The following SLC44A1 variants were observed in gnomAD, a reference collection of about 807,000 sequenced individuals.
The protein encoded by SLC44A1 is solute carrier family 44 member 1, also known as choline transporter-like protein 1.
SLC44A1 carries 26 observed loss-of-function variants against 79.3 expected under a neutral mutation model. The ratio of observed to expected loss-of-function variants is 0.33; its 90% CI spans 0.24 to 0.46. The LOEUF is 0.46. Ranked by LOEUF, SLC44A1 falls within the 20% of genes least tolerant of loss-of-function variation. SLC44A1 has a pLI of 1.00. For synonymous variants in SLC44A1, 263 were observed against 286.2 expected (o/e 0.92, Z 0.82); for missense variants, 688 against 798.1 (o/e 0.86, Z 1.66).
In SLC44A1 at chr9:105,309,728, T is replaced by A. The variant is rs373883101; in HGVS notation, c.131T>A (p.Phe44Tyr). Residue 44 changes from phenylalanine (F) to tyrosine (Y), a missense_variant, in exon 3 of 16, where the codon TTT (phenylalanine) becomes TAT (tyrosine). Transcript: ENST00000374720. ...TTTTTTCTGTTTCTTTCCTAGGGAT[T>A]TATTTGTGGCTTTTCAATAGCAACA... ...LFILFCIGMG[F>Y]ICGFSIATGA... 2.1e-5 allele frequency: 34 copies of A among 1,613,564 alleles called. No homozygotes were observed. Among genetic ancestry groups the A allele is most frequent in the Non-Finnish European group, 2.8e-5 (33 of 1,179,664 alleles).
Position 105,391,112 on chromosome 9 carries a change from A to G in SLC44A1, c.*2056A>G. ...GAAGATGGGTATCAAAACAGAAGAC[A>G]TTCCAGGAGCTAGCAATTTTAAGAG... On this transcript the variant is annotated 3_prime_UTR_variant, in exon 16 of 16. Coordinates refer to ENST00000374720, the MANE Select transcript of SLC44A1 (RefSeq NM_080546.5). The G allele has an allele frequency of 3.0e-6, 3 of 985,798 alleles. No homozygotes were observed. The highest frequency in any genetic ancestry group is 3.6e-6 in the Non-Finnish European group (3 of 829,916). The allele number at this position is 985,798 out of a possible 1,614,324, so 61.1% of individuals were successfully genotyped here.
In SLC44A1 at chr9:105,389,895, G is replaced by A. The variant is rs1473120174; in HGVS notation, c.*839G>A. On this transcript the variant is annotated 3_prime_UTR_variant, in exon 16 of 16. Transcript: ENST00000374720. The stretch of plus-strand genomic sequence containing the variant: ...TTTAGCCTTTAAGTTTCTGTGTATT[G>A]ATTTGCAGATTAAGTAATGCTGGGA... The A allele has an allele frequency of 6.6e-7, 1 of 1,517,806 alleles. No individual in the cohort carries two copies. Among genetic ancestry groups the A allele is most frequent in the Non-Finnish European group, 8.8e-7 (1 of 1,133,492 alleles). The allele number at this position is 1,517,806 out of a possible 1,614,324, so 94.0% of individuals were successfully genotyped here.
At chr9:105,252,124 A>G (rs1211593151) in intron 1 of SLC44A1, among the ~76,000 whole-genome samples, 1 of 152,210 alleles carries the variant, frequency 6.6e-6, no homozygotes, top group African/African-American at 2.4e-5. Flanking sequence ...CAGTCATATT[A>G]ATTCATTTAC....
chr9:105,278,253 A>G (rs1166964323), intron 1 of SLC44A1, among the ~76,000 whole-genome samples: 1 of 144,180 alleles, frequency 6.9e-6, no homozygotes, highest in African/African-American at 2.6e-5. Flanking sequence ...CTATTTATTT[A>G]TTTATTTATT....
In SLC44A1 at chr9:105,389,769, A is replaced by G. The variant is rs943828728; in HGVS notation, c.*713A>G. 3 of 1,311,936 alleles carry G rather than the reference A, an allele frequency of 2.3e-6. No homozygotes were observed. In the African/African-American group the frequency reaches 4.5e-5, roughly 20 times the overall value. 81.3% of individuals were successfully genotyped at this position (1,311,936 alleles called of 1,614,324 possible). A position where few individuals can be genotyped will look rare whatever the true frequency, so the allele number is the denominator to read the frequency against. ...AGGGTAGATAATCTTTCGTATGCAA[A>G]CTTTTCCCTTATATTTTGTCTTTCT... On this transcript the variant is annotated 3_prime_UTR_variant, in exon 16 of 16. Coordinates refer to ENST00000374720, the MANE Select transcript of SLC44A1 (RefSeq NM_080546.5).
chr9:105,244,822 GC>G lies in SLC44A1; in HGVS notation c.-46del, dbSNP rs1172041096. On this transcript the variant is annotated 5_prime_UTR_variant, in exon 1 of 16. An upstream open reading frame in the 5' UTR loses its in-frame stop. Coordinates refer to ENST00000374720, the MANE Select transcript of SLC44A1 (RefSeq NM_080546.5). ...GGCTCGCATGCCGAGGGGCTCCGGG[GC>G]GTAGCTGCGCGCCCGGCGCCGCCTC... The G allele has an allele frequency of 8.3e-6, 9 of 1,081,762 alleles. No individual in the cohort carries two copies. The highest frequency in any genetic ancestry group is 1.0e-5 in the Non-Finnish European group (9 of 887,876). The allele number at this position is 1,081,762 out of a possible 1,614,324, so 67.0% of individuals were successfully genotyped here.
intron 3 of SLC44A1, among the ~76,000 whole-genome samples, chr9:105,317,790 A>G (rs1226332807): frequency 6.6e-6 from 1 of 152,180 alleles, no homozygotes; most frequent in African/African-American, 2.4e-5. Context: ...AGAGGTATAC[A>G]TTTGTCCATT....
chr9:105,244,738 C>T lies in SLC44A1; in HGVS notation c.-131C>T. On this transcript the variant is annotated 5_prime_UTR_variant, in exon 1 of 16. Coordinates refer to ENST00000374720, the MANE Select transcript of SLC44A1 (RefSeq NM_080546.5). ...GCCTCTTGAGTACCAGCCGCCGCTG[C>T]AGCCGCCGCCGCCGCCTAGCCGTGC... 3 of 399,512 alleles carry T rather than the reference C, an allele frequency of 7.5e-6. No homozygotes were observed. Among genetic ancestry groups the T allele is most frequent in the Non-Finnish European group, 1.2e-5 (3 of 256,474 alleles). 24.7% of individuals were successfully genotyped at this position (399,512 alleles called of 1,614,324 possible).
At chr9:105,430,069 G>A (rs1454404248) in intron 15 of SLC44A1, among the ~76,000 whole-genome samples, 5 of 151,934 alleles carry the variant, frequency 3.3e-5, no homozygotes, top group Non-Finnish European at 7.4e-5. Context: ...GCCAATGCCC[G>A]GCGAATTTTT....
chr9:105,296,299 T>A (rs564237300), intron 1 of SLC44A1, among the ~76,000 whole-genome samples: 15 of 152,324 alleles, frequency 9.8e-5, no homozygotes, highest in Admixed American at 9.2e-4. Context: ...ATGTAACTCC[T>A]ACCCTCTCTC....
At chr9:105,434,978 C>G (rs567888594) in intron 15 of SLC44A1, among the ~76,000 whole-genome samples, 256 of 152,204 alleles carry the variant, frequency 1.7e-3, no homozygotes, top group Non-Finnish European at 3.1e-3. Context: ...AATCCCATCT[C>G]TACAAAAAAT....
chr9:105,274,925 A>G (rs1258683469), intron 1 of SLC44A1, among the ~76,000 whole-genome samples: 2 of 152,214 alleles, frequency 1.3e-5, no homozygotes, highest in Non-Finnish European at 2.9e-5. Context: ...AGGTGTTTCT[A>G]TCTTTCATAA....
intron 3 of SLC44A1, among the ~76,000 whole-genome samples, chr9:105,314,862 A>G (rs1381468939): frequency 6.6e-6 from 1 of 152,266 alleles, no homozygotes; most frequent in Non-Finnish European, 1.5e-5. Flanking sequence ...TTGGCAAGAT[A>G]CTCAAAGTTT....
intron 15 of SLC44A1, among the ~76,000 whole-genome samples, chr9:105,405,897 G>A (rs1829023478): frequency 6.6e-6 from 1 of 152,182 alleles, no homozygotes; most frequent in Non-Finnish European, 1.5e-5. Flanking sequence ...GACATACACG[G>A]AGGAATAACA....
At chr9:105,335,484 C>T (rs556203722) in intron 3 of SLC44A1, 79 bp from the exon 4 acceptor site, 31 of 1,078,742 alleles carry the variant, frequency 2.9e-5, no homozygotes, top group South Asian at 3.4e-5. Context: ...ATGTTCTTTG[C>T]TCTAGGCTTA....
At chr9:105,405,557 G>C (rs1024321308) in intron 15 of SLC44A1, among the ~76,000 whole-genome samples, 2 of 152,156 alleles carry the variant, frequency 1.3e-5, no homozygotes, top group African/African-American at 4.8e-5. Flanking sequence ...CCACTCACCA[G>C]CTTAGCAGCA....
chr9:105,278,839 A>T (rs368757566), intron 1 of SLC44A1, among the ~76,000 whole-genome samples: 2 of 152,180 alleles, frequency 1.3e-5, no homozygotes, highest in Non-Finnish European at 2.9e-5. Context: ...GTCATCTTAT[A>T]TTGCCAAGGC....
intron 15 of SLC44A1, among the ~76,000 whole-genome samples, chr9:105,388,693 A>G (rs1819668711): frequency 1.3e-5 from 2 of 152,208 alleles, no homozygotes; most frequent in African/African-American, 4.8e-5. Flanking sequence ...TTTTGGAAAA[A>G]TGTACCAAAA....
At chr9:105,284,289 C>T in intron 1 of SLC44A1, among the ~76,000 whole-genome samples, 1 of 142,800 alleles carries the variant, frequency 7.0e-6, no homozygotes, top group South Asian at 2.4e-4. Context: ...TGGTCTTGAA[C>T]TCTGAGCTCA....
Sources: gnomAD v4.1 joint callset for allele counts (sites outside exome capture counted in the v4.1 genomes callset) on GRCh38, gnomAD v4.1.1 for gene constraint, MANE v1.5 for transcripts, NCBI Gene and HGNC (gene_info 2026-07-23, HGNC 2026-07-21) for gene names.